Variants in EXT1 observed in about 807,000 individuals in gnomAD.
EXT1 encodes the protein exostosin-1.
EXT1 carries 20 observed loss-of-function variants against 82.5 expected under a neutral mutation model. The ratio of observed to expected loss-of-function variants is 0.24; its 90% CI spans 0.17 to 0.35. The LOEUF is 0.35. Among genes scored for constraint, EXT1 ranks in the 10% least tolerant of loss-of-function variants. The probability of loss-of-function intolerance (pLI) is 1.00; values close to 1 mark genes in which losing one functional copy is unlikely to be tolerated. For missense variants in EXT1, 757 were observed against 936.5 expected (o/e 0.81, Z 2.50); for synonymous variants, 348 against 350.8 (o/e 0.99, Z 0.09).
At position 117,915,144 on chromosome 8, in the gene EXT1, G is replaced by A. The variant is rs193229548; in HGVS notation, c.963-77943C>T. On this transcript the variant is annotated intron_variant, in intron 1 of 10. Coordinates refer to ENST00000378204, the MANE Select transcript of EXT1 (RefSeq NM_000127.3). ...TACTCTTTCTCTTTATTTCTCAGCC[G>A]GCCAACACTTTTGGAAGATAGAAAG... 1.2e-4 allele frequency among the ~76,000 whole-genome samples: 18 copies of A among 152,134 alleles called. 1 individual carries two copies. Among genetic ancestry groups the A allele is most frequent in the East Asian group, 9.7e-4 (5 of 5,180 alleles).
At chr8:117,938,771 AT>A (rs1814217147) in intron 1 of EXT1, among the ~76,000 whole-genome samples, 1 of 152,198 alleles carries the variant, frequency 6.6e-6, no homozygotes, top group Non-Finnish European at 1.5e-5. Flanking sequence ...AATTATTTTT[AT>A]TTTTCAATAA....
intron 1 of EXT1, among the ~76,000 whole-genome samples, chr8:118,057,916 G>A (rs1816820660): frequency 6.7e-6 from 1 of 148,516 alleles, no homozygotes; most frequent in African/African-American, 2.5e-5. Flanking sequence ...AGGTTGCAGT[G>A]AGCCAAGATT....
intron 1 of EXT1, among the ~76,000 whole-genome samples, chr8:117,931,294 C>G (rs1417755872): frequency 2.0e-5 from 3 of 152,174 alleles, no homozygotes; most frequent in Non-Finnish European, 4.4e-5. Flanking sequence ...AGGCCCCTTT[C>G]CAGACATGGA....
At chr8:117,870,780 C>T (rs1421011111) in intron 1 of EXT1, among the ~76,000 whole-genome samples, 1 of 151,044 alleles carries the variant, frequency 6.6e-6, no homozygotes, top group Non-Finnish European at 1.5e-5. Context: ...CTTGGTGTCC[C>T]GTATCCACAT....
At chr8:118,067,103 G>C (rs546421215) in intron 1 of EXT1, among the ~76,000 whole-genome samples, 4 of 152,174 alleles carry the variant, frequency 2.6e-5, no homozygotes, top group Non-Finnish European at 5.9e-5. Flanking sequence ...CTGACTCTAG[G>C]TTTAGCCAGG....
chr8:118,011,891 C>G (rs754401280), intron 1 of EXT1, among the ~76,000 whole-genome samples: 25 of 152,154 alleles, frequency 1.6e-4, no homozygotes, highest in Admixed American at 3.9e-4. Flanking sequence ...TTATAAATGG[C>G]TCAGGAAGGG....
At chr8:118,012,431 G>A (rs1815920140) in intron 1 of EXT1, among the ~76,000 whole-genome samples, 1 of 152,214 alleles carries the variant, frequency 6.6e-6, no homozygotes, top group Non-Finnish European at 1.5e-5. Flanking sequence ...AGGCTAGATG[G>A]AACAAGCTGC....
intron 1 of EXT1, among the ~76,000 whole-genome samples, chr8:118,087,781 T>C (rs1817450889): frequency 6.6e-6 from 1 of 152,154 alleles, no homozygotes; most frequent in Non-Finnish European, 1.5e-5. Context: ...AGATTCTTTC[T>C]CCTATGAATG....
chr8:118,046,086 G>A (rs143255953), intron 1 of EXT1, among the ~76,000 whole-genome samples: 12 of 151,554 alleles, frequency 7.9e-5, no homozygotes, highest in South Asian at 6.3e-4. Context: ...ATGAGCCACC[G>A]TGCCCAGCCT....
intron 7 of EXT1, among the ~76,000 whole-genome samples, chr8:117,813,890 T>C (rs371142773): frequency 8.6e-5 from 13 of 151,716 alleles, no homozygotes; most frequent in African/African-American, 3.1e-4. Context: ...CCTGTGGTCC[T>C]AGCTACTTGG....
intron 1 of EXT1, among the ~76,000 whole-genome samples, chr8:117,840,829 A>C (rs1812263917): frequency 6.6e-6 from 1 of 152,222 alleles, no homozygotes; most frequent in Non-Finnish European, 1.5e-5. Context: ...ATCAATAGTC[A>C]CTAGGGAAAA....
chr8:117,876,108 A>G (rs866424523), intron 1 of EXT1, among the ~76,000 whole-genome samples: 86 of 152,266 alleles, frequency 5.6e-4, no homozygotes, highest in African/African-American at 2.0e-3. Context: ...AGGGGCACTA[A>G]GAGTCTAATA....
At chr8:118,012,610 T>C (rs973429799) in intron 1 of EXT1, among the ~76,000 whole-genome samples, 1 of 152,246 alleles carries the variant, frequency 6.6e-6, no homozygotes, top group Non-Finnish European at 1.5e-5. Flanking sequence ...ATTCCAGCTC[T>C]GCGTCTCACT....
chr8:117,990,619 G>A (rs1815412871), intron 1 of EXT1, among the ~76,000 whole-genome samples: 1 of 152,206 alleles, frequency 6.6e-6, no homozygotes, highest in Non-Finnish European at 1.5e-5. Flanking sequence ...GCTGGGGAAT[G>A]CAGTTCCCAC....
chr8:117,991,218 C>A (rs560204002), intron 1 of EXT1, among the ~76,000 whole-genome samples: 98 of 151,990 alleles, frequency 6.4e-4, no homozygotes, highest in African/African-American at 2.2e-3. Flanking sequence ...TCAAGCAATT[C>A]TTGTGTCTCA....
At chr8:117,860,785 C>A (rs1228543228) in intron 1 of EXT1, among the ~76,000 whole-genome samples, 1 of 152,182 alleles carries the variant, frequency 6.6e-6, no homozygotes, top group African/African-American at 2.4e-5. Context: ...TCCCTCACGG[C>A]AAATTAGCAG....
At chr8:117,883,557 A>G (rs1173200436) in intron 1 of EXT1, among the ~76,000 whole-genome samples, 1 of 152,272 alleles carries the variant, frequency 6.6e-6, no homozygotes, top group Non-Finnish European at 1.5e-5. Flanking sequence ...GAGTCCACTC[A>G]GTCTCTCTCC....
At chr8:117,811,183 G>T (rs543708786) in intron 8 of EXT1, among the ~76,000 whole-genome samples, 25 of 152,254 alleles carry the variant, frequency 1.6e-4, no homozygotes, top group African/African-American at 5.8e-4. Flanking sequence ...GACTCAGATG[G>T]ATATAGCCTG....
chr8:117,984,466 G>C (rs1219921951), intron 1 of EXT1, among the ~76,000 whole-genome samples: 2 of 147,298 alleles, frequency 1.4e-5, no homozygotes, highest in Non-Finnish European at 3.0e-5. Context: ...AAAAAACAAA[G>C]AAAAGAAAAG....
Sources: gnomAD v4.1 joint callset for allele counts (sites outside exome capture counted in the v4.1 genomes callset) on GRCh38, gnomAD v4.1.1 for gene constraint, MANE v1.5 for transcripts, NCBI Gene and HGNC (gene_info 2026-07-23, HGNC 2026-07-21) for gene names.